FBXL2: variants seen among roughly 807,000 people sequenced by gnomAD.
FBXL2 encodes F-box/LRR-repeat protein 2.
A neutral mutation model predicts 69.2 loss-of-function variants in FBXL2; 38 were observed. The observed-to-expected ratio is 0.55, with a 90% CI of 0.42 to 0.72. The LOEUF is 0.72. Ranked by LOEUF, FBXL2 falls within the 30% of genes least tolerant of loss-of-function variation. The pLI, the probability that FBXL2 is intolerant of heterozygous loss-of-function variation, is 0.00. For missense variants in FBXL2, 354 were observed against 520.3 expected (o/e 0.68, Z 3.11); for synonymous variants, 192 against 201.3 (o/e 0.95, Z 0.39).
At chr3:33,396,028 T>C in intron 12 of FBXL2, 1 of 690,386 alleles carries the variant, frequency 1.4e-6, no homozygotes, top group Non-Finnish European at 2.3e-6. Context: ...CTCTCATTGC[T>C]GTCAAGGCTC....
intron 2 of FBXL2, among the ~76,000 whole-genome samples, chr3:33,340,597 A>G (rs944205099): frequency 6.6e-6 from 1 of 150,702 alleles, no homozygotes; most frequent in Non-Finnish European, 1.5e-5. Context: ...AAAAAAAAAA[A>G]AAGAAGGAAG....
chr3:33,338,669 A>G (rs1364052561), intron 2 of FBXL2, among the ~76,000 whole-genome samples: 4 of 152,190 alleles, frequency 2.6e-5, no homozygotes, highest in Admixed American at 2.6e-4. Context: ...AATAACAAGC[A>G]ATGGGGAAAG....
intron 2 of FBXL2, among the ~76,000 whole-genome samples, chr3:33,349,726 C>T (rs1395809331): frequency 6.6e-6 from 1 of 152,040 alleles, no homozygotes; most frequent in Non-Finnish European, 1.5e-5. Flanking sequence ...GCCATGAAGT[C>T]CTGAGCTTTT....
intron 2 of FBXL2, among the ~76,000 whole-genome samples, chr3:33,329,299 A>G (rs1268650782): frequency 6.6e-6 from 1 of 151,176 alleles, no homozygotes; most frequent in Non-Finnish European, 1.5e-5. Flanking sequence ...AAAGAGGAAC[A>G]CTCATACACT....
At chr3:33,354,516 A>G (rs2041061921) in intron 2 of FBXL2, among the ~76,000 whole-genome samples, 1 of 152,132 alleles carries the variant, frequency 6.6e-6, no homozygotes, top group South Asian at 2.1e-4. Context: ...CCATCTGGAA[A>G]AAAAAAAAAT....
chr3:33,334,207 G>T (rs9819495), intron 2 of FBXL2, among the ~76,000 whole-genome samples: 1,539 of 152,288 alleles, frequency 0.01, 19 homozygotes, highest in African/African-American at 0.035. Flanking sequence ...AGAGAAAATA[G>T]TCAATGTAGT....
At chr3:33,348,405 T>G (rs1402365477) in intron 2 of FBXL2, among the ~76,000 whole-genome samples, 1 of 152,216 alleles carries the variant, frequency 6.6e-6, no homozygotes, top group Admixed American at 6.5e-5. Flanking sequence ...TTTTGATTAC[T>G]ATAGCTCTGT....
At chr3:33,342,096 C>G (rs1294376051) in intron 2 of FBXL2, among the ~76,000 whole-genome samples, 1 of 146,878 alleles carries the variant, frequency 6.8e-6, no homozygotes, top group African/African-American at 2.5e-5. Context: ...GCTCCGCCTT[C>G]CAGGTTCACG....
intron 12 of FBXL2, among the ~76,000 whole-genome samples, chr3:33,402,386 C>A (rs780073226): frequency 7.9e-5 from 12 of 152,154 alleles, no homozygotes; most frequent in Non-Finnish European, 1.6e-4. Flanking sequence ...AATAGCATAT[C>A]TATTGGGAGA....
chr3:33,287,094 C>G (rs1311561105), intron 1 of FBXL2, among the ~76,000 whole-genome samples: 2 of 152,216 alleles, frequency 1.3e-5, no homozygotes, highest in African/African-American at 2.4e-5. Flanking sequence ...CACCCATCTT[C>G]TGCATCGCTC....
At chr3:33,417,137 A>T in the FBXL2 span, among the ~76,000 whole-genome samples, 1 of 152,234 alleles carries the variant, frequency 6.6e-6, no homozygotes, top group African/African-American at 2.4e-5. Flanking sequence ...TTTCTGAGAT[A>T]TAGTTTACAT....
intron 13 of FBXL2, 130 bp from the exon 14 acceptor site, chr3:33,383,859 T>A: frequency 1.4e-6 from 1 of 735,990 alleles, no homozygotes. Context: ...GGGGCTGGCA[T>A]CTGCTGAGGG....
chr3:33,394,337 C>T lies in FBXL2; in HGVS notation n.1214+8609C>T, dbSNP rs569115612. On this transcript the variant is annotated intron_variant and non_coding_transcript_variant, in intron 12 of 12. Coordinates refer to the FBXL2 transcript ENST00000463736. ...CTGGGATTACAGGCGTGAGCCAGCACGCCCAGTTAAGCATTATAGTTTTTG... is the reference window on the plus strand; with the variant it reads ...CTGGGATTACAGGCGTGAGCCAGCATGCCCAGTTAAGCATTATAGTTTTTG... Among the ~76,000 whole-genome samples the T allele has an allele frequency of 7.2e-5, 11 of 152,056 alleles. No homozygotes were observed. The East Asian group carries it at 1.9e-3, about 27-fold the overall frequency.
At chr3:33,420,482 T>TGTGTG in the FBXL2 span, among the ~76,000 whole-genome samples, 1 of 147,824 alleles carries the variant, frequency 6.8e-6, no homozygotes, top group Admixed American at 6.9e-5. Context: ...TGTGCCACCA[T>TGTGTG]ACTGGCTTTT....
At chr3:33,369,419 T>C (rs774945017) in intron 5 of FBXL2, among the ~76,000 whole-genome samples, 2 of 152,148 alleles carry the variant, frequency 1.3e-5, no homozygotes, top group Non-Finnish European at 2.9e-5. Flanking sequence ...GCTCTTCATA[T>C]GTTTAGTTGT....
chr3:33,408,343 C>A (rs915975344), downstream of FBXL2, among the ~76,000 whole-genome samples: 2 of 151,912 alleles, frequency 1.3e-5, no homozygotes, highest in African/African-American at 4.8e-5. Context: ...AAAGTATTTT[C>A]AATTAATTTC....
At chr3:33,289,391 A>G (rs77492869) in intron 1 of FBXL2, among the ~76,000 whole-genome samples, 2 of 152,298 alleles carry the variant, frequency 1.3e-5, no homozygotes, top group African/African-American at 2.4e-5. Context: ...GCAAATTGCA[A>G]CAGTTGACAT....
intron 2 of FBXL2, among the ~76,000 whole-genome samples, chr3:33,318,433 T>A (rs1277319932): frequency 6.6e-6 from 1 of 152,194 alleles, no homozygotes. Flanking sequence ...TTGATAAATA[T>A]AGGAAGGAGA....
intron 4 of FBXL2, among the ~76,000 whole-genome samples, chr3:33,363,073 C>G (rs111288151): frequency 0.014 from 2,110 of 152,232 alleles, 20 homozygotes; most frequent in South Asian, 0.027. Flanking sequence ...CAGAGTCTTG[C>G]TCTGTCACCC....
Sources: gnomAD v4.1 joint callset for allele counts (sites outside exome capture counted in the v4.1 genomes callset) on GRCh38, gnomAD v4.1.1 for gene constraint, MANE v1.5 for transcripts, NCBI Gene and HGNC (gene_info 2026-07-23, HGNC 2026-07-21) for gene names.